Variants in TPRG1 observed in about 807,000 individuals in gnomAD.
TPRG1 encodes the protein tumor protein p63-regulated gene 1 protein.
Under a neutral mutation model 29.3 loss-of-function variants are expected in TPRG1, and 29 were observed. The observed-to-expected ratio is 0.99, with a 90% CI of 0.74 to 1.35. The LOEUF is 1.35. TPRG1 is among the 40% of genes most tolerant of loss of function. The pLI is 0.00. For synonymous variants in TPRG1, 130 were observed against 116.8 expected (o/e 1.11, Z -0.73); for missense variants, 327 against 335.0 (o/e 0.98, Z 0.19).
In TPRG1 at chr3:189,320,972, T is replaced by G; in HGVS notation, c.*152T>G. On this transcript the variant is annotated 3_prime_UTR_variant, in exon 6 of 6. Coordinates refer to ENST00000345063, the MANE Select transcript of TPRG1 (RefSeq NM_198485.4). ...TTAGTATTTCCGAAAATTTAAAAGC[T>G]TGATTGGACTGATAGATACACACTT... 1 of 676,788 alleles carries G rather than the reference T, an allele frequency of 1.5e-6. No individual in the cohort carries two copies. Among genetic ancestry groups the G allele is most frequent in the East Asian group, 2.9e-5 (1 of 34,276 alleles). The allele number at this position is 676,788 out of a possible 1,614,324, so 41.9% of individuals were successfully genotyped here.
rs770937304 is a variant in TPRG1, at chr3:189,238,940, G to A, written c.479+31G>A. ...TATATATCTTATACTTGAAGAAGTGGTGCAGCAGGGATGGACCTGCAGGGA... is the reference window on the plus strand; with the variant it reads ...TATATATCTTATACTTGAAGAAGTGATGCAGCAGGGATGGACCTGCAGGGA... On this transcript the variant is annotated intron_variant, in intron 4 of 5. Coordinates refer to ENST00000345063, the MANE Select transcript of TPRG1 (RefSeq NM_198485.4). 10 of 1,546,838 alleles carry A rather than the reference G, an allele frequency of 6.5e-6. No homozygotes were observed. In the South Asian group the frequency reaches 9.8e-5, roughly 15 times the overall value.
At chr3:189,083,301 G>A (rs1420981499) in intron 4 of TPRG1, among the ~76,000 whole-genome samples, 1 of 152,136 alleles carries the variant, frequency 6.6e-6, no homozygotes, top group Non-Finnish European at 1.5e-5. Flanking sequence ...TGCTAATGAT[G>A]GGTGGAGCAG....
chr3:189,268,890 G>A (rs1357388316), intron 4 of TPRG1, among the ~76,000 whole-genome samples: 1 of 152,204 alleles, frequency 6.6e-6, no homozygotes, highest in Non-Finnish European at 1.5e-5. Context: ...GCTTTAGGGT[G>A]CTCTTTGTTC....
chr3:189,094,879 C>G (rs1718571904), intron 4 of TPRG1, among the ~76,000 whole-genome samples: 1 of 152,170 alleles, frequency 6.6e-6, no homozygotes, highest in Non-Finnish European at 1.5e-5. Context: ...CCTCCTTGCT[C>G]TGGTCGAGGC....
chr3:189,067,703 C>A (rs181809990), intron 4 of TPRG1, among the ~76,000 whole-genome samples: 2 of 152,174 alleles, frequency 1.3e-5, no homozygotes, highest in Non-Finnish European at 2.9e-5. Flanking sequence ...AATGTAAGAC[C>A]TCAAGCTATG....
intron 1 of TPRG1, among the ~76,000 whole-genome samples, chr3:189,202,180 CTT>C (rs1484923700): frequency 2.0e-5 from 3 of 152,080 alleles, no homozygotes; most frequent in Admixed American, 2.0e-4. Context: ...GTGGATCTGT[CTT>C]TGCTTTTAAA....
At chr3:189,052,705 CAA>C (rs1240849325) in intron 4 of TPRG1, among the ~76,000 whole-genome samples, 2 of 152,070 alleles carry the variant, frequency 1.3e-5, no homozygotes, top group African/African-American at 4.8e-5. Flanking sequence ...GCCCATCAAT[CAA>C]TGAGTGGATA....
intron 4 of TPRG1, among the ~76,000 whole-genome samples, chr3:189,083,623 C>G (rs1218178423): frequency 6.6e-6 from 1 of 152,184 alleles, no homozygotes; most frequent in East Asian, 1.9e-4. Flanking sequence ...AAAGGTTCCT[C>G]CTAGGTCTAA....
rs1728885961 is a variant in TPRG1, at chr3:189,172,144, G to A, written c.-10+13G>A. ...CCAGCCTAGTCAGGTAAGATCAAGT[G>A]GCTTGTCACTGGTTCTGCAGAGATG... is the stretch of plus-strand genomic sequence containing the variant. On this transcript the variant is annotated intron_variant, in intron 1 of 5. Coordinates refer to ENST00000345063, the MANE Select transcript of TPRG1 (RefSeq NM_198485.4). The A allele has an allele frequency of 6.6e-6, 1 of 152,220 alleles. No individual in the cohort carries two copies. Among genetic ancestry groups the A allele is most frequent in the Admixed American group, 6.5e-5 (1 of 15,278 alleles). The allele number at this position is 152,220 out of a possible 1,614,324, so 9.4% of individuals were successfully genotyped here.
intron 4 of TPRG1, chr3:189,240,159 G>T (rs1392683985): frequency 6.6e-6 from 1 of 151,928 alleles, no homozygotes; most frequent in African/African-American, 2.4e-5. Context: ...ACTTATTTTT[G>T]CTTACTCTTT....
At chr3:189,078,661 T>C (rs1321805337) in intron 4 of TPRG1, among the ~76,000 whole-genome samples, 1 of 152,194 alleles carries the variant, frequency 6.6e-6, no homozygotes, top group Admixed American at 6.5e-5. Flanking sequence ...AAAAATAATC[T>C]TTTGATAATA....
intron 4 of TPRG1, among the ~76,000 whole-genome samples, chr3:189,068,615 A>G (rs1447372378): frequency 6.6e-6 from 1 of 152,192 alleles, no homozygotes; most frequent in South Asian, 2.1e-4. Flanking sequence ...TCTCTACTAA[A>G]AATATAAAAA....
At chr3:189,245,339 T>C (rs1560599839) in intron 4 of TPRG1, among the ~76,000 whole-genome samples, 1 of 152,304 alleles carries the variant, frequency 6.6e-6, no homozygotes, top group East Asian at 1.9e-4. Flanking sequence ...AATATGAACA[T>C]CTACAGTTAT....
chr3:189,127,936 T>G (rs1489476722), intron 2 of TPRG1, among the ~76,000 whole-genome samples: 1 of 152,186 alleles, frequency 6.6e-6, no homozygotes, highest in Non-Finnish European at 1.5e-5. Context: ...TCCTCTTCTC[T>G]TTCATTCTTT....
intron 3 of TPRG1, among the ~76,000 whole-genome samples, chr3:189,220,914 C>A (rs952849758): frequency 6.6e-6 from 1 of 152,106 alleles, no homozygotes; most frequent in African/African-American, 2.4e-5. Context: ...CATTTATGAT[C>A]TTCTCTAATT....
At chr3:189,131,552 T>G (rs1234906237) in intron 2 of TPRG1, among the ~76,000 whole-genome samples, 1 of 152,212 alleles carries the variant, frequency 6.6e-6, no homozygotes, top group Non-Finnish European at 1.5e-5. Flanking sequence ...CTGAGCACTT[T>G]CTGATCATAT....
intron 4 of TPRG1, among the ~76,000 whole-genome samples, chr3:189,039,886 G>A (rs1451035825): frequency 6.6e-6 from 1 of 151,686 alleles, no homozygotes; most frequent in Non-Finnish European, 1.5e-5. Flanking sequence ...ATTGGAGCTA[G>A]AAGTAGCCTC....
intron 4 of TPRG1, among the ~76,000 whole-genome samples, chr3:189,042,259 G>T (rs571958745): frequency 6.6e-6 from 1 of 151,994 alleles, no homozygotes; most frequent in African/African-American, 2.4e-5. Flanking sequence ...GAACTATCAA[G>T]AATATATTTC....
intron 1 of TPRG1, among the ~76,000 whole-genome samples, chr3:189,108,813 G>A (rs1016633866): frequency 1.3e-5 from 2 of 152,054 alleles, no homozygotes; most frequent in Non-Finnish European, 2.9e-5. Flanking sequence ...TAAAGGTAGC[G>A]CCTTTAAAAA....
Sources: gnomAD v4.1 joint callset for allele counts (sites outside exome capture counted in the v4.1 genomes callset) on GRCh38, gnomAD v4.1.1 for gene constraint, MANE v1.5 for transcripts, NCBI Gene and HGNC (gene_info 2026-07-23, HGNC 2026-07-21) for gene names.